SGCD: variants seen among roughly 807,000 people sequenced by gnomAD.
The protein encoded by SGCD is sarcoglycan delta, also known as delta-sarcoglycan.
SGCD carries 18 observed loss-of-function variants against 36.6 expected under a neutral mutation model. The observed-to-expected ratio is 0.49, with a 90% CI of 0.34 to 0.73. The LOEUF (loss-of-function observed/expected upper bound fraction) is 0.73. Among genes scored for constraint, SGCD ranks in the 30% least tolerant of loss-of-function variants. SGCD has a pLI of 0.01. For synonymous variants in SGCD, 133 were observed against 130.6 expected, an observed-to-expected ratio of 1.02 and a Z score of -0.12; for missense variants, 387 against 346.7, an observed-to-expected ratio of 1.12 and a Z score of -0.92.
At chr5:156,162,117 G>T (rs1223663275) in intron 3 of SGCD, among the ~76,000 whole-genome samples, 1 of 150,936 alleles carries the variant, frequency 6.6e-6, no homozygotes. Flanking sequence ...GGTGGTGGGG[G>T]TGGGGGTGGA....
chr5:156,630,834 A>G (rs953303993), intron 6 of SGCD, among the ~76,000 whole-genome samples: 1 of 152,100 alleles, frequency 6.6e-6, no homozygotes, highest in Admixed American at 6.5e-5. Flanking sequence ...GAATTGGGAG[A>G]TCTTAGGGCA....
At chr5:155,800,430 T>C in the SGCD span, among the ~76,000 whole-genome samples, 2 of 152,202 alleles carry the variant, frequency 1.3e-5, no homozygotes, top group Non-Finnish European at 2.9e-5. Context: ...ATTGGGGAAT[T>C]ATATCTTGGC....
intron 7 of SGCD, among the ~76,000 whole-genome samples, chr5:156,719,378 TAG>T (rs1319870946): frequency 1.1e-4 from 16 of 150,250 alleles, no homozygotes; most frequent in African/African-American, 9.8e-5. Context: ...TCATATATTA[TAG>T]ATATATATAT....
At chr5:155,803,942 A>T in the SGCD span, among the ~76,000 whole-genome samples, 2 of 152,228 alleles carry the variant, frequency 1.3e-5, no homozygotes, top group Non-Finnish European at 2.9e-5. Context: ...ATTGAGAAAC[A>T]TGGTGATTTT....
At chr5:156,419,951 G>A (rs1397366546) in intron 3 of SGCD, among the ~76,000 whole-genome samples, 4 of 152,062 alleles carry the variant, frequency 2.6e-5, no homozygotes, top group Non-Finnish European at 5.9e-5. Context: ...CAGGGTAACT[G>A]TATACCAGTG....
At position 155,988,073 on chromosome 5, in the gene SGCD, C is replaced by T. The variant is rs139893142; in HGVS notation, c.-282+117649C>T. Among the ~76,000 whole-genome samples, 6 of 152,270 alleles carry T rather than the reference C, an allele frequency of 3.9e-5. No individual in the cohort carries two copies. In the East Asian group the frequency reaches 7.7e-4, roughly 20 times the overall value. ...AAAGTTAAGTGACTTGCATAAGTTC[C>T]ACAGCCAGTCAGTGGCAGAAGATGA... On this transcript the variant is annotated intron_variant, in intron 1 of 9. Transcript: ENST00000517913.
Position 156,338,258 on chromosome 5 carries a change from G to A in SGCD, c.4-6231G>A, listed in dbSNP as rs927246863. 3.9e-5 allele frequency among the ~76,000 whole-genome samples: 6 copies of A among 152,136 alleles called. No individual in the cohort carries two copies. In the East Asian group the frequency reaches 1.2e-3, roughly 29 times the overall value. On this transcript the variant is annotated intron_variant, in intron 2 of 8. Coordinates refer to ENST00000337851, the MANE Select transcript of SGCD (RefSeq NM_000337.6). ...TAGATACTGTAACTATTTCCAGGGG[G>A]CAAAAAAGGAAAACATTTGTTCTTC...
rs748489983 is a variant in SGCD, at chr5:156,672,802, G to A, written c.575+25266G>A. Among the ~76,000 whole-genome samples the A allele has an allele frequency of 6.4e-4, 97 of 152,242 alleles. 1 individual carries two copies. The highest frequency in any genetic ancestry group is 1.2e-3 in the Non-Finnish European group (81 of 68,004). ...ATCAGAAGTCCTCTGTCCCCTGTCCGTAGGCTTTAGATATCCTGCCCTTCT... is the reference window on the plus strand; with the variant it reads ...ATCAGAAGTCCTCTGTCCCCTGTCCATAGGCTTTAGATATCCTGCCCTTCT... On this transcript the variant is annotated intron_variant, in intron 7 of 8. Coordinates refer to ENST00000337851, the MANE Select transcript of SGCD (RefSeq NM_000337.6).
intron 6 of SGCD, among the ~76,000 whole-genome samples, chr5:156,610,271 C>G (rs543830007): frequency 6.6e-6 from 1 of 152,304 alleles, no homozygotes; most frequent in African/African-American, 2.4e-5. Flanking sequence ...AGTCAGGACC[C>G]TCAGCTGCAG....
At chr5:155,791,502 A>G in the SGCD span, among the ~76,000 whole-genome samples, 1 of 152,206 alleles carries the variant, frequency 6.6e-6, no homozygotes, top group Non-Finnish European at 1.5e-5. Flanking sequence ...TTCTATACAT[A>G]GAAAACCCTT....
chr5:156,296,260 G>A (rs1387041502), intron 3 of SGCD, among the ~76,000 whole-genome samples: 1 of 152,168 alleles, frequency 6.6e-6, no homozygotes, highest in African/African-American at 2.4e-5. Context: ...GTATAAGGCA[G>A]ATATCTCTAT....
At chr5:155,821,679 G>A in the SGCD span, among the ~76,000 whole-genome samples, 1 of 152,172 alleles carries the variant, frequency 6.6e-6, no homozygotes, top group Non-Finnish European at 1.5e-5. Flanking sequence ...TGCTTTAATA[G>A]AGTGCAATGT....
rs898774211 is a variant in SGCD, at chr5:156,765,925, T to C, written c.*6535T>C. 6.6e-5 allele frequency: 10 copies of C among 151,736 alleles called. No individual in the cohort carries two copies. Among genetic ancestry groups the C allele is most frequent in the African/African-American group, 2.4e-4 (10 of 41,262 alleles). The allele number at this position is 151,736 out of a possible 1,614,324, so 9.4% of individuals were successfully genotyped here. Reference sequence around the variant, plus strand: ...TAGTCTCTCACAGTGACAGCATCTATACTAAAGTATAGATACCTAAGGGGA... The same window carrying C: ...TAGTCTCTCACAGTGACAGCATCTACACTAAAGTATAGATACCTAAGGGGA... On this transcript the variant is annotated 3_prime_UTR_variant, in exon 9 of 9. Coordinates refer to ENST00000337851, the MANE Select transcript of SGCD (RefSeq NM_000337.6).
intron 3 of SGCD, among the ~76,000 whole-genome samples, chr5:156,489,742 A>G (rs1581067090): frequency 6.6e-6 from 1 of 152,086 alleles, no homozygotes; most frequent in South Asian, 2.1e-4. Context: ...AGGAAAGTTT[A>G]TAGCAATAAG....
chr5:156,147,291 A>C (rs890259052), intron 3 of SGCD, among the ~76,000 whole-genome samples: 12 of 152,222 alleles, frequency 7.9e-5, no homozygotes, highest in Admixed American at 7.2e-4. Flanking sequence ...TTGTGGAGTT[A>C]AGTAATCTTT....
At chr5:156,667,270 C>G (rs193136464) in intron 7 of SGCD, among the ~76,000 whole-genome samples, 1 of 152,264 alleles carries the variant, frequency 6.6e-6, no homozygotes, top group African/African-American at 2.4e-5. Context: ...GAGAGACAGA[C>G]AGACACAAGG....
chr5:156,079,111 G>A lies in SGCD; in HGVS notation c.-281-38767G>A, dbSNP rs556965154. On this transcript the variant is annotated intron_variant, in intron 1 of 9. Coordinates refer to the SGCD transcript ENST00000517913. ...CACTGAACATGGTGGAAGGCAAAGG[G>A]GGAGGAGGCACATCACATGGTGAGA... Among the ~76,000 whole-genome samples the A allele has an allele frequency of 2.0e-5, 3 of 152,148 alleles. No homozygotes were observed. In the South Asian group the frequency reaches 6.2e-4, roughly 32 times the overall value.
At chr5:155,864,162 T>C in the SGCD span, among the ~76,000 whole-genome samples, 1 of 152,040 alleles carries the variant, frequency 6.6e-6, no homozygotes, top group Non-Finnish European at 1.5e-5. Context: ...TGAAAATAAG[T>C]ACAAAAGGTC....
intron 7 of SGCD, among the ~76,000 whole-genome samples, chr5:156,712,797 C>A (rs1401085921): frequency 6.6e-6 from 1 of 152,214 alleles, no homozygotes; most frequent in Non-Finnish European, 1.5e-5. Flanking sequence ...ATTCCCCAAC[C>A]CCTTTTCCAG....
Sources: gnomAD v4.1 joint callset for allele counts (sites outside exome capture counted in the v4.1 genomes callset) on GRCh38, gnomAD v4.1.1 for gene constraint, MANE v1.5 for transcripts, NCBI Gene and HGNC (gene_info 2026-07-23, HGNC 2026-07-21) for gene names.